The following HMGCLL1 variants were observed in gnomAD, a reference collection of about 807,000 sequenced individuals.
HMGCLL1 encodes 3-hydroxymethyl-3-methylglutaryl-CoA lyase, cytoplasmic.
A neutral mutation model predicts 39.1 loss-of-function variants in HMGCLL1; 36 were observed. The ratio of observed to expected loss-of-function variants is 0.92; its 90% CI spans 0.71 to 1.22. HMGCLL1 has a LOEUF of 1.22. HMGCLL1 is among the 50% of genes most tolerant of loss of function. The pLI is 0.00. For synonymous variants in HMGCLL1, 149 were observed against 144.0 expected, an observed-to-expected ratio of 1.03 and a Z score of -0.25; for missense variants, 451 against 416.5, an observed-to-expected ratio of 1.08 and a Z score of -0.72.
At chr6:55,629,451 A>G in the HMGCLL1 span, among the ~76,000 whole-genome samples, 9 of 152,206 alleles carry the variant, frequency 5.9e-5, no homozygotes, top group African/African-American at 1.9e-4. Flanking sequence ...ATAAAAGTTC[A>G]GAACATTTGC....
At chr6:55,487,326 T>A (rs1274484859) in intron 7 of HMGCLL1, among the ~76,000 whole-genome samples, 1 of 152,128 alleles carries the variant, frequency 6.6e-6, no homozygotes, top group Non-Finnish European at 1.5e-5. Flanking sequence ...CTTTAAGTTC[T>A]GGGATACATG....
chr6:55,659,013 G>A, the HMGCLL1 span, among the ~76,000 whole-genome samples: 3 of 151,868 alleles, frequency 2.0e-5, no homozygotes, highest in Admixed American at 6.6e-5. Context: ...CAAATTAAGA[G>A]GCCAAGTTAG....
At chr6:55,598,828 A>C in the HMGCLL1 span, among the ~76,000 whole-genome samples, 1 of 152,190 alleles carries the variant, frequency 6.6e-6, no homozygotes, top group African/African-American at 2.4e-5. Flanking sequence ...CAATTCATGT[A>C]ATGATTACTA....
chr6:55,435,829 C>A, intron 8 of HMGCLL1, 66 bp from the exon 9 acceptor site: 1 of 755,436 alleles, frequency 1.3e-6, no homozygotes, highest in Non-Finnish European at 2.0e-6. Flanking sequence ...TAAAACATAG[C>A]CTTTTAAATT....
chr6:55,648,017 G>A, the HMGCLL1 span, among the ~76,000 whole-genome samples: 2 of 124,092 alleles, frequency 1.6e-5, no homozygotes, highest in East Asian at 4.5e-4. Context: ...AGAATATGCG[G>A]TGTTTGGTTT....
chr6:55,446,394 T>G (rs1014973500), intron 7 of HMGCLL1, among the ~76,000 whole-genome samples: 1 of 151,456 alleles, frequency 6.6e-6, no homozygotes, highest in Non-Finnish European at 1.5e-5. Context: ...CTTCTCATTT[T>G]CTCTAAGTTC....
chr6:55,440,486 A>G (rs1034933583), intron 7 of HMGCLL1, among the ~76,000 whole-genome samples: 1 of 152,236 alleles, frequency 6.6e-6, no homozygotes, highest in African/African-American at 2.4e-5. Flanking sequence ...GTTATGGAAG[A>G]CATGAGTACA....
chr6:55,523,143 A>G (rs1249329658), intron 3 of HMGCLL1, among the ~76,000 whole-genome samples: 2 of 79,494 alleles, frequency 2.5e-5, no homozygotes, highest in African/African-American at 8.8e-5. Flanking sequence ...AGTGAGTCTC[A>G]GCCATTGTCC....
chr6:55,515,544 A>G (rs1198205310), intron 4 of HMGCLL1, among the ~76,000 whole-genome samples: 1 of 152,138 alleles, frequency 6.6e-6, no homozygotes, highest in Admixed American at 6.6e-5. Context: ...GATATCACAC[A>G]GGGAGTAAAA....
chr6:55,488,742 C>T (rs184282278), intron 7 of HMGCLL1, among the ~76,000 whole-genome samples: 74 of 152,118 alleles, frequency 4.9e-4, no homozygotes, highest in Middle Eastern at 3.4e-3. Context: ...ACCTAACCTT[C>T]ACTGATACTA....
At chr6:55,594,349 G>A in the HMGCLL1 span, among the ~76,000 whole-genome samples, 1 of 152,054 alleles carries the variant, frequency 6.6e-6, no homozygotes, top group Non-Finnish European at 1.5e-5. Flanking sequence ...CACGGTCTTG[G>A]TGTCCTCTAC....
At chr6:55,513,821 T>G in intron 5 of HMGCLL1, 1 of 510,420 alleles carries the variant, frequency 2.0e-6, no homozygotes, top group Non-Finnish European at 3.4e-6. Context: ...GCATGCTAGT[T>G]CCTCTGATTT....
the HMGCLL1 span, among the ~76,000 whole-genome samples, chr6:55,646,364 ATTG>A: frequency 1.3e-5 from 2 of 150,914 alleles, no homozygotes; most frequent in Non-Finnish European, 3.0e-5. Context: ...AATCTTTTAT[ATTG>A]TTTTCTTAAT....
the HMGCLL1 span, among the ~76,000 whole-genome samples, chr6:55,632,910 C>G: frequency 6.6e-6 from 1 of 151,978 alleles, no homozygotes; most frequent in Non-Finnish European, 1.5e-5. Flanking sequence ...GATACTAGAC[C>G]TATACATGAA....
At chr6:55,438,468 A>G (rs746708040) in intron 8 of HMGCLL1, among the ~76,000 whole-genome samples, 1 of 152,100 alleles carries the variant, frequency 6.6e-6, no homozygotes, top group Non-Finnish European at 1.5e-5. Context: ...TGAAAACACT[A>G]AGGAATGGGA....
the HMGCLL1 span, among the ~76,000 whole-genome samples, chr6:55,596,519 T>TTTAA: frequency 0.049 from 7,493 of 152,206 alleles, 415 homozygotes; most frequent in African/African-American, 0.13. Flanking sequence ...ATGTAAAAGA[T>TTTAA]TTAATTATGA....
the HMGCLL1 span, among the ~76,000 whole-genome samples, chr6:55,634,341 A>T: frequency 6.6e-6 from 1 of 152,062 alleles, no homozygotes; most frequent in African/African-American, 2.4e-5. Context: ...AGAAATGAAC[A>T]GGAAAGAAAG....
the HMGCLL1 span, among the ~76,000 whole-genome samples, chr6:55,628,188 A>ATATATATACTATATATAT: frequency 1.2e-5 from 1 of 83,900 alleles, no homozygotes; most frequent in Non-Finnish European, 2.2e-5. Flanking sequence ...TATATATAAT[A>ATATATATACTATATATAT]TATATATATA....
At chr6:55,560,601 G>A (rs1017520234) in intron 1 of HMGCLL1, among the ~76,000 whole-genome samples, 8 of 151,542 alleles carry the variant, frequency 5.3e-5, no homozygotes, top group South Asian at 4.2e-4. Context: ...TCATTTAATC[G>A]CCTCTTAATC....
Sources: allele counts gnomAD v4.1 joint callset (sites outside exome capture counted in the v4.1 genomes callset), GRCh38; gene constraint gnomAD v4.1.1; transcripts MANE v1.5; gene names NCBI Gene and HGNC (gene_info 2026-07-23, HGNC 2026-07-21).